The following OR2L13 variants were observed in gnomAD, a reference collection of about 807,000 sequenced individuals.
The protein encoded by OR2L13 is olfactory receptor 2L13.
A neutral mutation model predicts 15.3 loss-of-function variants in OR2L13; 14 were observed. That is an observed-to-expected ratio of 0.91 (90% CI 0.60 to 1.43). The LOEUF (loss-of-function observed/expected upper bound fraction) is 1.43. Ranked by LOEUF, OR2L13 falls within the 40% of genes most tolerant of loss-of-function variation. The pLI is 0.00. For missense variants in OR2L13, 367 were observed against 387.9 expected, an observed-to-expected ratio of 0.95 and a Z score of 0.45; for synonymous variants, 152 against 142.9, an observed-to-expected ratio of 1.06 and a Z score of -0.45.
the OR2L13 span, among the ~76,000 whole-genome samples, chr1:247,996,588 G>A: frequency 6.6e-6 from 1 of 152,148 alleles, no homozygotes; most frequent in Non-Finnish European, 1.5e-5. Context: ...GGAAAACTGG[G>A]TATTTCAGGA....
At chr1:248,011,586 C>A in the OR2L13 span, among the ~76,000 whole-genome samples, 1 of 152,032 alleles carries the variant, frequency 6.6e-6, no homozygotes, top group Non-Finnish European at 1.5e-5. Flanking sequence ...TCAGGTATAC[C>A]AATCAAATGT....
the OR2L13 span, among the ~76,000 whole-genome samples, chr1:247,978,403 G>A: frequency 2.6e-5 from 4 of 152,130 alleles, no homozygotes; most frequent in African/African-American, 4.8e-5. Context: ...CTGTGCCACC[G>A]TGCCCTGCTC....
chr1:248,027,132 G>T, the OR2L13 span, among the ~76,000 whole-genome samples: 1 of 152,020 alleles, frequency 6.6e-6, no homozygotes, highest in Non-Finnish European at 1.5e-5. Flanking sequence ...CCTAGGGGGC[G>T]GCCTCTAAAA....
chr1:247,994,363 C>G, the OR2L13 span, among the ~76,000 whole-genome samples: 69 of 152,236 alleles, frequency 4.5e-4, no homozygotes, highest in Non-Finnish European at 6.3e-4. Context: ...CTCCACTGCA[C>G]TCCAGCCGGG....
chr1:247,999,051 T>A, the OR2L13 span, among the ~76,000 whole-genome samples: 1 of 152,140 alleles, frequency 6.6e-6, no homozygotes, highest in African/African-American at 2.4e-5. Flanking sequence ...TTGCAGCTTC[T>A]CTTCAGTGAT....
the OR2L13 span, among the ~76,000 whole-genome samples, chr1:247,992,481 T>TAC: frequency 6.6e-6 from 1 of 152,004 alleles, no homozygotes; most frequent in Non-Finnish European, 1.5e-5. Flanking sequence ...GTGGATCCTG[T>TAC]CACCTGGTAG....
At chr1:248,062,752 C>A in the OR2L13 span, 1 of 152,110 alleles carries the variant, frequency 6.6e-6, no homozygotes, top group East Asian at 1.9e-4. Context: ...GTTCCCAACA[C>A]AAAGAAATAA....
At chr1:248,095,417 C>G (rs147921177), upstream of OR2L13, among the ~76,000 whole-genome samples, 1,349 of 151,944 alleles carry the variant, frequency 8.9e-3, 25 homozygotes, top group African/African-American at 0.031. Flanking sequence ...GTGTTTCTTC[C>G]TCATGAATTT....
At chr1:248,013,229 T>G in the OR2L13 span, among the ~76,000 whole-genome samples, 2 of 152,242 alleles carry the variant, frequency 1.3e-5, no homozygotes, top group African/African-American at 4.8e-5. Flanking sequence ...GGAAAGAAAT[T>G]AATATATACA....
At chr1:248,052,501 G>T in the OR2L13 span, among the ~76,000 whole-genome samples, 2 of 152,128 alleles carry the variant, frequency 1.3e-5, no homozygotes, top group Non-Finnish European at 2.9e-5. Context: ...GGCCGAGCCG[G>T]GCAGATCACA....
the OR2L13 span, among the ~76,000 whole-genome samples, chr1:247,995,107 C>CTTT: frequency 2.0e-5 from 3 of 152,244 alleles, no homozygotes; most frequent in East Asian, 3.9e-4. Flanking sequence ...ACATTAGGTC[C>CTTT]AATAGCTTTT....
the OR2L13 span, among the ~76,000 whole-genome samples, chr1:248,081,500 C>G: frequency 6.6e-6 from 1 of 151,928 alleles, no homozygotes; most frequent in Non-Finnish European, 1.5e-5. Flanking sequence ...TTTTTTAGCT[C>G]AATATGTTTT....
the OR2L13 span, among the ~76,000 whole-genome samples, chr1:248,075,018 C>A: frequency 1.3e-5 from 2 of 152,122 alleles, no homozygotes; most frequent in Admixed American, 1.3e-4. Flanking sequence ...GCTGTCCCTC[C>A]CCCAGACCCC....
At chr1:247,966,837 A>G in the OR2L13 span, among the ~76,000 whole-genome samples, 4,983 of 152,254 alleles carry the variant, frequency 0.033, 270 homozygotes, top group African/African-American at 0.11. Flanking sequence ...GAAATTTATT[A>G]ATATTGAATA....
chr1:247,968,165 A>G, the OR2L13 span, among the ~76,000 whole-genome samples: 1 of 152,116 alleles, frequency 6.6e-6, no homozygotes, highest in Non-Finnish European at 1.5e-5. Context: ...ATAAATAATA[A>G]TAAACTTTAT....
the OR2L13 span, among the ~76,000 whole-genome samples, chr1:247,992,727 G>A: frequency 6.6e-6 from 1 of 152,134 alleles, no homozygotes; most frequent in Non-Finnish European, 1.5e-5. Context: ...TTATAGCTGT[G>A]TAGTGTTTCA....
the OR2L13 span, among the ~76,000 whole-genome samples, chr1:248,009,593 T>C: frequency 1.7e-4 from 26 of 152,074 alleles, no homozygotes; most frequent in Non-Finnish European, 3.1e-4. Context: ...CTACCAAAGG[T>C]ACAAAGCAGA....
At chr1:248,071,336 A>C in the OR2L13 span, among the ~76,000 whole-genome samples, 11 of 152,248 alleles carry the variant, frequency 7.2e-5, no homozygotes, top group East Asian at 1.9e-3. Flanking sequence ...GCAAATCAAT[A>C]AATGTAATCC....
the OR2L13 span, chr1:247,949,534 A>C: frequency 6.2e-7 from 1 of 1,612,128 alleles, no homozygotes. Context: ...GCTGTCTACC[A>C]CATGAAATCT....
Sources: allele counts gnomAD v4.1 joint callset (sites outside exome capture counted in the v4.1 genomes callset), GRCh38; gene constraint gnomAD v4.1.1; transcripts MANE v1.5; gene names NCBI Gene and HGNC (gene_info 2026-07-23, HGNC 2026-07-21).